The following DYNC2H1 variants were observed in gnomAD, a reference collection of about 807,000 sequenced individuals.
DYNC2H1 encodes the protein dynein cytoplasmic 2 heavy chain 1, also known as cytoplasmic dynein 2 heavy chain 1.
A neutral mutation model predicts 570.0 loss-of-function variants in DYNC2H1; 410 were observed. That is an observed-to-expected ratio of 0.72 (90% CI 0.66 to 0.78). The LOEUF is 0.78. DYNC2H1 is among the 30% of genes least tolerant of loss of function. DYNC2H1 has a pLI of 0.00. For missense variants in DYNC2H1, 4,865 were observed against 5,046.4 expected (o/e 0.96, Z 1.09); for synonymous variants, 1,688 against 1,677.6 (o/e 1.01, Z -0.15).
Position 103,280,242 on chromosome 11 carries a change from C to T in DYNC2H1, c.10696-106C>T. ...TTCTTACATCGATAAAAAAGTAGGT[C>T]ATATGAAGACAGAATAGAGATTTTT... is the stretch of plus-strand genomic sequence containing the variant. On this transcript the variant is annotated intron_variant, in intron 70 of 88. Coordinates refer to ENST00000375735, the MANE Select transcript of DYNC2H1 (RefSeq NM_001377.3). The surrounding 1 kb of genome is among the most constrained non-coding windows in gnomAD (Gnocchi z 4.7). 4 of 1,042,218 alleles carry T rather than the reference C, an allele frequency of 3.8e-6. No homozygotes were observed. Among genetic ancestry groups the T allele is most frequent in the South Asian group, 1.5e-5 (1 of 68,002 alleles). 64.6% of individuals were successfully genotyped at this position (1,042,218 alleles called of 1,614,324 possible).
intron 83 of DYNC2H1, among the ~76,000 whole-genome samples, chr11:103,377,343 A>G (rs565530804): frequency 6.6e-6 from 1 of 151,982 alleles, no homozygotes; most frequent in Non-Finnish European, 1.5e-5. Flanking sequence ...GGTTATTTCA[A>G]AAGACTTTTC....
rs566157876 is a variant in DYNC2H1 at position 103,254,494 on chromosome 11, A to G, written c.10207-921A>G. On this transcript the variant is annotated intron_variant, in intron 66 of 88. Coordinates refer to ENST00000375735, the MANE Select transcript of DYNC2H1 (RefSeq NM_001377.3). The surrounding 1 kb of genome is among the most constrained non-coding windows in gnomAD (Gnocchi z 4.9). Reference sequence around the variant, plus strand: ...CTTTAACAAATACAATGTACATACCATACAACTTGCTGATTTAAAATGTAT... The same window carrying G: ...CTTTAACAAATACAATGTACATACCGTACAACTTGCTGATTTAAAATGTAT... 6.6e-6 allele frequency among the ~76,000 whole-genome samples: 1 copy of G among 152,362 alleles called. No individual in the cohort carries two copies. Among genetic ancestry groups the G allele is most frequent in the East Asian group, 1.9e-4 (1 of 5,190 alleles).
At chr11:103,413,783 A>C (rs1387232433) in intron 84 of DYNC2H1, among the ~76,000 whole-genome samples, 6 of 152,174 alleles carry the variant, frequency 3.9e-5, no homozygotes, top group Admixed American at 3.9e-4. Context: ...TATTGATTTA[A>C]GGGAAAAAAG....
At chr11:103,251,602 T>C (rs964522517) in intron 65 of DYNC2H1, among the ~76,000 whole-genome samples, 17 of 152,192 alleles carry the variant, frequency 1.1e-4, no homozygotes, top group East Asian at 1.9e-4. Flanking sequence ...TTTTGTTACC[T>C]ACAGTCCTCA....
chr11:103,342,750 C>T lies in DYNC2H1; in HGVS notation c.12040-15493C>T, dbSNP rs867430061. 2.6e-5 allele frequency among the ~76,000 whole-genome samples: 4 copies of T among 152,116 alleles called. No individual in the cohort carries two copies. The East Asian group carries it at 5.8e-4, about 22-fold the overall frequency. Reference sequence around the variant, plus strand: ...CGACCTCCTGACCTCGTGATCCACCCGCCTTGGCCTCCCAAAGCCACTGCA... The same window carrying T: ...CGACCTCCTGACCTCGTGATCCACCTGCCTTGGCCTCCCAAAGCCACTGCA... On this transcript the variant is annotated intron_variant, in intron 82 of 88. Coordinates refer to ENST00000375735, the MANE Select transcript of DYNC2H1 (RefSeq NM_001377.3).
At chr11:103,162,998 G>C (rs931080746) in intron 29 of DYNC2H1, 30 bp from the exon 30 acceptor site, 1 of 1,581,412 alleles carries the variant, frequency 6.3e-7, no homozygotes, top group African/African-American at 1.4e-5. Context: ...TTTATGTCTT[G>C]TTTATATTAT....
At position 103,319,515 on chromosome 11, in the gene DYNC2H1, A is replaced by T. The variant is rs1468578571; in HGVS notation, c.11726-1514A>T. Among the ~76,000 whole-genome samples, 1 of 152,160 alleles carries T rather than the reference A, an allele frequency of 6.6e-6. No homozygotes were observed. Among genetic ancestry groups the T allele is most frequent in the Non-Finnish European group, 1.5e-5 (1 of 67,992 alleles). ...TCCAGAAGTTTAAATTACAAAAGCT[A>T]CATGAAGCATTTAACATTTAGTACA... is the stretch of plus-strand genomic sequence containing the variant. On this transcript the variant is annotated intron_variant, in intron 80 of 88. Transcript: ENST00000375735. This position sits in a 1 kb window ranked among gnomAD's most constrained non-coding sequence, Gnocchi z 4.3.
At position 103,215,757 on chromosome 11, in the gene DYNC2H1, G is replaced by A. The variant is rs1460943759; in HGVS notation, c.8731G>A (p.Val2911Met). Residue 2911 changes from valine to methionine, a missense_variant, in exon 55 of 89, where the codon GTG becomes ATG. By Grantham distance (21) the Val-to-Met change is conservative (BLOSUM62 1). Coordinates refer to ENST00000375735, the MANE Select transcript of DYNC2H1 (RefSeq NM_001377.3). Reference sequence around the variant, plus strand: ...TAAACTAAATGAAGCTAAAGCTCTTGTGGATGAACTGAACAGAAAAGCTGG... The same window carrying A: ...TAAACTAAATGAAGCTAAAGCTCTTATGGATGAACTGAACAGAAAAGCTGG... ...VSKLNEAKAL[V>M]DELNRKAGEQ... is the part of the protein sequence containing the mutation. 1.2e-6 allele frequency: 2 copies of A among 1,611,254 alleles called. No homozygotes were observed. The highest frequency in any genetic ancestry group is 1.7e-6 in the Non-Finnish European group (2 of 1,178,640).
intron 59 of DYNC2H1, among the ~76,000 whole-genome samples, chr11:103,225,348 T>C (rs936237923): frequency 6.6e-6 from 1 of 152,212 alleles, no homozygotes; most frequent in African/African-American, 2.4e-5. Context: ...TATAAGGGTA[T>C]TTCTGATGTT....
chr11:103,238,219 G>A lies in DYNC2H1; in HGVS notation c.9819+1680G>A, dbSNP rs138319611. ...TTAGTTGGGCTTCTGGGAAAAGATG[G>A]CTAGACATGATAAATAATATGCATT... is the stretch of plus-strand genomic sequence containing the variant. On this transcript the variant is annotated intron_variant, in intron 63 of 88. Transcript: ENST00000375735. 3.7e-3 allele frequency among the ~76,000 whole-genome samples: 559 copies of A among 152,156 alleles called. 2 individuals carry two copies. The highest frequency in any genetic ancestry group is 0.013 in the African/African-American group (535 of 41,508).
intron 40 of DYNC2H1, 86 bp from the exon 41 acceptor site, chr11:103,184,810 G>T: frequency 1.4e-6 from 2 of 1,397,540 alleles, no homozygotes; most frequent in East Asian, 2.4e-5. Context: ...TCTTGAAAAG[G>T]TATGTGAACA....
At chr11:103,412,504 A>G (rs1943128315) in intron 84 of DYNC2H1, among the ~76,000 whole-genome samples, 1 of 152,222 alleles carries the variant, frequency 6.6e-6, no homozygotes, top group East Asian at 1.9e-4. Context: ...AATAATCACT[A>G]AGAGAATGTA....
chr11:103,399,914 T>C, intron 84 of DYNC2H1, 42 bp downstream of exon 84: 8 of 1,505,828 alleles, frequency 5.3e-6, no homozygotes, highest in Non-Finnish European at 7.3e-6. Flanking sequence ...TTCATTGTTA[T>C]AAGTGACTCC....
At chr11:103,224,186 G>C (rs572221596) in intron 59 of DYNC2H1, among the ~76,000 whole-genome samples, 1 of 151,944 alleles carries the variant, frequency 6.6e-6, no homozygotes, top group Non-Finnish European at 1.5e-5. Flanking sequence ...ATTTGCTATC[G>C]TTACTAAGTC....
At position 103,270,900 on chromosome 11, in the gene DYNC2H1, A is replaced by T. The variant is rs75893471; in HGVS notation, c.10696-9448A>T. Among the ~76,000 whole-genome samples, 773 of 152,314 alleles carry T rather than the reference A, an allele frequency of 5.1e-3. 5 individuals carry two copies. Among genetic ancestry groups the T allele is most frequent in the African/African-American group, 0.018 (734 of 41,576 alleles). On this transcript the variant is annotated intron_variant, in intron 70 of 88. Transcript: ENST00000375735. ...ACAGGAATTAGAATACTATATTCTTACTGTTTCCCTTACTTCTTGGAATTA... is the reference window on the plus strand; with the variant it reads ...ACAGGAATTAGAATACTATATTCTTTCTGTTTCCCTTACTTCTTGGAATTA...
In DYNC2H1 at chr11:103,129,027, T is replaced by C; in HGVS notation, c.1953+22T>C. 6.4e-7 allele frequency: 1 copy of C among 1,560,850 alleles called. No individual in the cohort carries two copies. The highest frequency in any genetic ancestry group is 1.2e-5 in the South Asian group (1 of 83,282). The stretch of plus-strand genomic sequence containing the variant: ...TAAGGTAAATGGGCTTTTAATTTTA[T>C]TATAATTAGATTTTACATGTGAAGT... On this transcript the variant is annotated intron_variant, in intron 13 of 88. Coordinates refer to ENST00000375735, the MANE Select transcript of DYNC2H1 (RefSeq NM_001377.3). This position sits in a 1 kb window ranked among gnomAD's most constrained non-coding sequence, Gnocchi z 4.1.
intron 81 of DYNC2H1, among the ~76,000 whole-genome samples, chr11:103,322,926 A>T (rs910536018): frequency 5.3e-5 from 8 of 152,232 alleles, no homozygotes; most frequent in African/African-American, 1.9e-4. Flanking sequence ...AAGTTTACAA[A>T]TGCTAAGCTA....
chr11:103,345,935 A>G lies in DYNC2H1; in HGVS notation c.12040-12308A>G, dbSNP rs563509675. 6.6e-5 allele frequency among the ~76,000 whole-genome samples: 10 copies of G among 152,278 alleles called. No homozygotes were observed. In the East Asian group the frequency reaches 1.9e-3, roughly 29 times the overall value. ...AGCTTTAGTTCTGTAAAAGTTATAT[A>G]TGTTTTTGTATAAGAGCTACGTATT... is the stretch of plus-strand genomic sequence containing the variant. On this transcript the variant is annotated intron_variant, in intron 82 of 88. Coordinates refer to ENST00000375735, the MANE Select transcript of DYNC2H1 (RefSeq NM_001377.3).
chr11:103,316,803 T>C (rs1937871830), intron 80 of DYNC2H1, among the ~76,000 whole-genome samples, 183 bp downstream of exon 80: 1 of 152,098 alleles, frequency 6.6e-6, no homozygotes. Flanking sequence ...GATCTGTTTT[T>C]ACATGGATTC....
Sources: allele counts gnomAD v4.1 joint callset (sites outside exome capture counted in the v4.1 genomes callset), GRCh38; gene constraint gnomAD v4.1.1; non-coding constraint Gnocchi (gnomAD v3.1); transcripts MANE v1.5; gene names NCBI Gene and HGNC (gene_info 2026-07-23, HGNC 2026-07-21).